Variants in ERC2 observed in about 807,000 individuals in gnomAD.
The protein encoded by ERC2 is ERC protein 2.
In ERC2, 42 loss-of-function variants were observed where a neutral mutation model predicts 114.8. The observed-to-expected ratio is 0.37, with a 90% confidence interval of 0.29 to 0.47. The LOEUF is 0.47. ERC2 is among the 20% of genes least tolerant of loss of function. ERC2 has a pLI of 0.99. For missense variants in ERC2, 939 were observed against 1,150.7 expected (o/e 0.82, Z 2.66); for synonymous variants, 454 against 425.5 (o/e 1.07, Z -0.82).
chr3:55,648,639 G>A (rs1223289491), intron 17 of ERC2, among the ~76,000 whole-genome samples: 1 of 152,152 alleles, frequency 6.6e-6, no homozygotes, highest in Non-Finnish European at 1.5e-5. Context: ...AAAAGTAAGA[G>A]AGTCCCAAGA....
intron 17 of ERC2, among the ~76,000 whole-genome samples, chr3:55,645,108 T>A (rs763816074): frequency 1.3e-5 from 2 of 152,196 alleles, no homozygotes; most frequent in Non-Finnish European, 2.9e-5. Flanking sequence ...GGGAAAGAGA[T>A]CTGGGACTTT....
chr3:55,980,246 A>G (rs1042346299), intron 12 of ERC2, among the ~76,000 whole-genome samples: 4 of 151,972 alleles, frequency 2.6e-5, no homozygotes, highest in Non-Finnish European at 1.5e-5. Context: ...AAAATGAGAG[A>G]GCAGCAAATA....
In ERC2 at chr3:55,510,552, G is replaced by C. The variant is rs975167799; in HGVS notation, c.*764C>G. ...AATTTAGATGTGCCACGCATTGTCA[G>C]AGACACACACCATGTTCTCATAAGG... On this transcript the variant is annotated 3_prime_UTR_variant, in exon 18 of 18. Coordinates refer to ENST00000288221, the MANE Select transcript of ERC2 (RefSeq NM_015576.3). The C allele has an allele frequency of 3.9e-5, 6 of 152,642 alleles. No individual in the cohort carries two copies. The highest frequency in any genetic ancestry group is 1.4e-4 in the African/African-American group (6 of 41,458). 9.5% of individuals were successfully genotyped at this position (152,642 alleles called of 1,614,324 possible). A position where few individuals can be genotyped will look rare whatever the true frequency, so the allele number is the denominator to read the frequency against.
chr3:55,689,843 A>G (rs1423914386), intron 16 of ERC2, among the ~76,000 whole-genome samples: 1 of 152,112 alleles, frequency 6.6e-6, no homozygotes, highest in Non-Finnish European at 1.5e-5. Context: ...AAATGGGACT[A>G]CCATATCCTG....
chr3:55,804,552 C>G (rs1297394338), intron 14 of ERC2, among the ~76,000 whole-genome samples: 1 of 152,152 alleles, frequency 6.6e-6, no homozygotes, highest in African/African-American at 2.4e-5. Context: ...CCTCTCAGCA[C>G]TGCTGTGAGA....
chr3:56,396,875 A>G (rs1043432452), intron 2 of ERC2, among the ~76,000 whole-genome samples: 2 of 152,074 alleles, frequency 1.3e-5, no homozygotes, highest in African/African-American at 4.8e-5. Flanking sequence ...GCTGCTTCCT[A>G]CCTTCCACCA....
At chr3:56,288,427 A>C (rs1166966615) in intron 3 of ERC2, among the ~76,000 whole-genome samples, 1 of 152,038 alleles carries the variant, frequency 6.6e-6, no homozygotes, top group Non-Finnish European at 1.5e-5. Context: ...CAACCCTGTC[A>C]CTTTCTTTTC....
chr3:56,431,323 A>G (rs1426089112), intron 2 of ERC2, among the ~76,000 whole-genome samples: 2 of 152,218 alleles, frequency 1.3e-5, no homozygotes, highest in African/African-American at 4.8e-5. Flanking sequence ...TCCTGGACAG[A>G]AGAGAGGACT....
intron 4 of ERC2, among the ~76,000 whole-genome samples, chr3:56,164,705 C>A (rs942390452): frequency 2.6e-5 from 4 of 151,994 alleles, no homozygotes; most frequent in Non-Finnish European, 4.4e-5. Context: ...ATTTTATGTT[C>A]CCACCATCAA....
chr3:55,662,740 G>T (rs1339720562), intron 17 of ERC2, among the ~76,000 whole-genome samples: 1 of 152,112 alleles, frequency 6.6e-6, no homozygotes, highest in African/African-American at 2.4e-5. Flanking sequence ...TATTACTAAG[G>T]GTAGGGGCAT....
chr3:55,542,018 C>T (rs570391416), intron 17 of ERC2, among the ~76,000 whole-genome samples: 6 of 152,296 alleles, frequency 3.9e-5, no homozygotes, highest in African/African-American at 1.4e-4. Context: ...CTTTAATCTT[C>T]ATAGTAATTC....
chr3:56,362,716 T>C (rs2059005225), intron 2 of ERC2, among the ~76,000 whole-genome samples: 1 of 152,154 alleles, frequency 6.6e-6, no homozygotes, highest in Non-Finnish European at 1.5e-5. Flanking sequence ...GAAGGGACAA[T>C]TAGCTATTTA....
intron 14 of ERC2, among the ~76,000 whole-genome samples, chr3:55,846,139 C>T (rs778334377): frequency 6.6e-6 from 1 of 152,184 alleles, no homozygotes; most frequent in Non-Finnish European, 1.5e-5. Context: ...TGCTCCTCTC[C>T]CTCATCCTAC....
At chr3:56,297,011 AAC>A (rs2055490442) in intron 2 of ERC2, among the ~76,000 whole-genome samples, 1 of 152,166 alleles carries the variant, frequency 6.6e-6, no homozygotes, top group African/African-American at 2.4e-5. Context: ...GGCACAGACA[AAC>A]ACACTCAAAC....
At chr3:55,754,583 A>G (rs2148977635) in intron 14 of ERC2, among the ~76,000 whole-genome samples, 1 of 148,840 alleles carries the variant, frequency 6.7e-6, no homozygotes, top group South Asian at 2.2e-4. Context: ...CTGCGTGGCT[A>G]TGACAGTTAT....
intron 17 of ERC2, among the ~76,000 whole-genome samples, chr3:55,645,348 C>T (rs17055620): frequency 0.13 from 20,185 of 151,962 alleles, 2,359 homozygotes; most frequent in African/African-American, 0.31. Flanking sequence ...TAAGAGTCTG[C>T]AAAAAAATAT....
intron 13 of ERC2, among the ~76,000 whole-genome samples, chr3:55,904,323 C>T (rs1457835520): frequency 6.6e-6 from 1 of 152,168 alleles, no homozygotes; most frequent in African/African-American, 2.4e-5. Flanking sequence ...CCATCTATGG[C>T]TTTTCTGATT....
intron 17 of ERC2, among the ~76,000 whole-genome samples, chr3:55,634,767 G>A (rs1437177184): frequency 2.0e-5 from 3 of 152,146 alleles, no homozygotes; most frequent in Non-Finnish European, 4.4e-5. Context: ...AAAGGATAAC[G>A]CAATCTCACT....
At chr3:56,034,105 A>G (rs562048549) in intron 7 of ERC2, among the ~76,000 whole-genome samples, 1 of 152,358 alleles carries the variant, frequency 6.6e-6, no homozygotes, top group Non-Finnish European at 1.5e-5. Context: ...TAAAGGACAC[A>G]TATAGGCTGA....
Sources: gnomAD v4.1 joint callset for allele counts (sites outside exome capture counted in the v4.1 genomes callset) on GRCh38, gnomAD v4.1.1 for gene constraint, MANE v1.5 for transcripts, NCBI Gene and HGNC (gene_info 2026-07-23, HGNC 2026-07-21) for gene names.